CCDC172: variants seen among roughly 807,000 people sequenced by gnomAD.
CCDC172 encodes coiled-coil domain-containing protein 172.
A neutral mutation model predicts 38.0 loss-of-function variants in CCDC172; 30 were observed. The ratio of observed to expected loss-of-function variants is 0.79; its 90% CI spans 0.59 to 1.07. The LOEUF (loss-of-function observed/expected upper bound fraction) is 1.07. Ranked by LOEUF, CCDC172 falls within the 50% of genes least tolerant of loss-of-function variation. The probability of loss-of-function intolerance (pLI) is 0.00; values close to 1 mark genes in which losing one functional copy is unlikely to be tolerated. For missense variants in CCDC172, 297 were observed against 290.1 expected, an observed-to-expected ratio of 1.02 and a Z score of -0.17; for synonymous variants, 78 against 88.3, an observed-to-expected ratio of 0.88 and a Z score of 0.66.
chr10:116,374,186 C>T (rs1845218300), intron 7 of CCDC172, among the ~76,000 whole-genome samples: 1 of 151,920 alleles, frequency 6.6e-6, no homozygotes, highest in Non-Finnish European at 1.5e-5. Context: ...TGTGGTAACC[C>T]GTATTGCACT....
chr10:116,345,431 C>T (rs1478228407), intron 5 of CCDC172, among the ~76,000 whole-genome samples: 1 of 151,864 alleles, frequency 6.6e-6, no homozygotes, highest in Non-Finnish European at 1.5e-5. Context: ...TTGGAATAGG[C>T]AATGATTTCT....
intron 7 of CCDC172, among the ~76,000 whole-genome samples, chr10:116,370,959 A>T (rs967296094): frequency 6.6e-6 from 1 of 151,694 alleles, no homozygotes; most frequent in African/African-American, 2.4e-5. Flanking sequence ...GATATTTTTG[A>T]GTTTTCAGTT....
Position 116,333,819 on chromosome 10 carries a change from A to C in CCDC172, c.166-6915A>C, listed in dbSNP as rs576310704. ...TTGCAGTTTAGGGGTTATTTTGAAA[A>C]GAGTTGACTGTGGACTTTGGAACAG... On this transcript the variant is annotated intron_variant, in intron 3 of 8. Transcript: ENST00000333254. Among the ~76,000 whole-genome samples the C allele has an allele frequency of 2.0e-5, 3 of 152,256 alleles. No individual in the cohort carries two copies. The South Asian group carries it at 6.2e-4, about 32-fold the overall frequency.
intron 3 of CCDC172, among the ~76,000 whole-genome samples, chr10:116,337,883 C>G (rs1844750144): frequency 6.6e-6 from 1 of 152,060 alleles, no homozygotes; most frequent in Non-Finnish European, 1.5e-5. Context: ...TTTTACATAT[C>G]AGTAGATTTA....
rs578120791 is a variant in CCDC172, at chr10:116,333,377, C to T, written c.166-7357C>T. On this transcript the variant is annotated intron_variant, in intron 3 of 8. Transcript: ENST00000333254. ...TACCCCCAGCCCAATTTCTAGTGTT[C>T]TTGTAGTGTAGCTTTATTGCCTGAG... Among the ~76,000 whole-genome samples, 7 of 152,240 alleles carry T rather than the reference C, an allele frequency of 4.6e-5. 1 individual carries two copies. The East Asian group carries it at 9.6e-4, about 21-fold the overall frequency.
intron 3 of CCDC172, among the ~76,000 whole-genome samples, chr10:116,329,142 G>T (rs934467833): frequency 2.0e-4 from 30 of 151,980 alleles, no homozygotes; most frequent in African/African-American, 6.8e-4. Flanking sequence ...CTCATTTAAA[G>T]AAAAAATTTG....
chr10:116,378,771 G>A (rs1365545237), intron 8 of CCDC172, among the ~76,000 whole-genome samples: 1 of 152,086 alleles, frequency 6.6e-6, no homozygotes, highest in African/African-American at 2.4e-5. Flanking sequence ...AGCAACTTTA[G>A]ATCTGACCTC....
chr10:116,367,175 AT>A (rs1416018539), intron 7 of CCDC172, among the ~76,000 whole-genome samples: 1 of 152,022 alleles, frequency 6.6e-6, no homozygotes, highest in African/African-American at 2.4e-5. Flanking sequence ...ATTTTTAATC[AT>A]TTTTTATAGT....
chr10:116,369,530 G>A (rs1845161703), intron 7 of CCDC172, among the ~76,000 whole-genome samples: 1 of 151,714 alleles, frequency 6.6e-6, no homozygotes, highest in Non-Finnish European at 1.5e-5. Context: ...AATTCATTTT[G>A]TAATAGTTAA....
intron 7 of CCDC172, among the ~76,000 whole-genome samples, chr10:116,363,654 C>T (rs910630954): frequency 7.2e-5 from 11 of 152,080 alleles, no homozygotes; most frequent in Admixed American, 4.6e-4. Context: ...TTTAAAATTT[C>T]GGCTGGGCGC....
At chr10:116,357,596 G>A (rs1430186090) in intron 6 of CCDC172, 115 bp downstream of exon 6, 7 of 936,278 alleles carry the variant, frequency 7.5e-6, no homozygotes, top group South Asian at 2.1e-5. Context: ...GCTATTATTG[G>A]TATAAAAAAG....
chr10:116,364,450 G>T (rs190418402), intron 7 of CCDC172, among the ~76,000 whole-genome samples: 126 of 152,124 alleles, frequency 8.3e-4, no homozygotes, highest in African/African-American at 2.8e-3. Context: ...TTTATGAGCT[G>T]TATTCTAAGG....
intron 3 of CCDC172, among the ~76,000 whole-genome samples, chr10:116,328,350 A>C (rs374104688): frequency 6.6e-6 from 1 of 152,142 alleles, no homozygotes; most frequent in Non-Finnish European, 1.5e-5. Flanking sequence ...CATGCTTACC[A>C]ATACATCCAA....
intron 5 of CCDC172, among the ~76,000 whole-genome samples, chr10:116,355,445 CACA>C (rs1394454611): frequency 1.3e-5 from 2 of 152,228 alleles, no homozygotes; most frequent in Non-Finnish European, 2.9e-5. Flanking sequence ...ATGATGTTCT[CACA>C]ACAACATAAT....
intron 7 of CCDC172, among the ~76,000 whole-genome samples, chr10:116,367,194 T>C (rs1445277539): frequency 6.6e-6 from 1 of 152,154 alleles, no homozygotes; most frequent in East Asian, 1.9e-4. Context: ...AGTTAGCATT[T>C]TTGTTTCTTG....
chr10:116,340,700 G>A, intron 3 of CCDC172, 34 bp from the exon 4 acceptor site: 1 of 1,060,180 alleles, frequency 9.4e-7, no homozygotes, highest in Non-Finnish European at 1.4e-6. Flanking sequence ...CTAATTAATT[G>A]TTTTATTCTG....
chr10:116,369,209 G>GTGTTTAACTCAAGTGTTCTAACTCAA (rs1281886394), intron 7 of CCDC172, among the ~76,000 whole-genome samples: 4 of 151,440 alleles, frequency 2.6e-5, no homozygotes, highest in Admixed American at 2.6e-4. Context: ...CTAACTTTAG[G>GTGTTTAACTCAAGTGTTCTAACTCAA]GCTCATTTTC....
intron 5 of CCDC172, among the ~76,000 whole-genome samples, chr10:116,350,406 A>G (rs1490819593): frequency 6.6e-6 from 1 of 152,186 alleles, no homozygotes; most frequent in Non-Finnish European, 1.5e-5. Context: ...GGATTTCAAG[A>G]TGGACTTGAT....
intron 3 of CCDC172, among the ~76,000 whole-genome samples, chr10:116,335,718 T>A (rs1844721815): frequency 6.6e-6 from 1 of 152,148 alleles, no homozygotes; most frequent in Non-Finnish European, 1.5e-5. Context: ...TTTGTTTGTC[T>A]TGATTTTGCT....
Sources: allele counts gnomAD v4.1 joint callset (sites outside exome capture counted in the v4.1 genomes callset), GRCh38; gene constraint gnomAD v4.1.1; transcripts MANE v1.5; gene names NCBI Gene and HGNC (gene_info 2026-07-23, HGNC 2026-07-21).